ZNF608: variants seen among roughly 807,000 people sequenced by gnomAD.
The protein encoded by ZNF608 is zinc finger protein 608.
Under a neutral mutation model 109.0 loss-of-function variants are expected in ZNF608, and 12 were observed. That is an observed-to-expected ratio of 0.11 (90% CI 0.07 to 0.18). ZNF608 has a LOEUF of 0.18. Ranked by LOEUF, ZNF608 falls within the 10% of genes least tolerant of loss-of-function variation. The probability of loss-of-function intolerance (pLI) is 1.00; values close to 1 mark genes in which losing one functional copy is unlikely to be tolerated. For missense variants in ZNF608, 1,707 were observed against 1,879.3 expected, an observed-to-expected ratio of 0.91 and a Z score of 1.70; for synonymous variants, 732 against 717.4, an observed-to-expected ratio of 1.02 and a Z score of -0.33.
chr5:124,677,906 G>A (rs555064083), intron 3 of ZNF608, among the ~76,000 whole-genome samples: 1 of 152,238 alleles, frequency 6.6e-6, no homozygotes, highest in African/African-American at 2.4e-5. Context: ...ACACCAGGAA[G>A]CAGCTCTCAG....
intron 2 of ZNF608, among the ~76,000 whole-genome samples, chr5:124,727,322 C>G (rs1281397488): frequency 6.6e-6 from 1 of 152,192 alleles, no homozygotes; most frequent in Non-Finnish European, 1.5e-5. Context: ...CTGAGTTTAT[C>G]ACATCCATTA....
chr5:124,656,074 T>C (rs1260067043), intron 3 of ZNF608, among the ~76,000 whole-genome samples: 1 of 152,182 alleles, frequency 6.6e-6, no homozygotes, highest in Non-Finnish European at 1.5e-5. Context: ...GGCTGAATGT[T>C]TGAAGAGTCA....
At chr5:124,719,315 T>C (rs76673488) in intron 2 of ZNF608, among the ~76,000 whole-genome samples, 26,382 of 152,232 alleles carry the variant, frequency 0.17, 2,618 homozygotes, top group Admixed American at 0.27. Flanking sequence ...TTTTTGTAAA[T>C]GATCAGACTA....
At chr5:124,745,888 A>G (rs1204544761) in intron 1 of ZNF608, 1 of 152,946 alleles carries the variant, frequency 6.5e-6, no homozygotes, top group African/African-American at 2.4e-5. Context: ...AGACAGTGTT[A>G]TATAAAAAGT....
rs569802734 is a variant in ZNF608, at chr5:124,745,181, G to A, written c.-183-9C>T. ...TCCAGGTCCACCTTTTCCTGTGAAG[G>A]GGGGGGGAAAAGTCGAATATTTCTT... On this transcript the variant is annotated splice_polypyrimidine_tract_variant and intron_variant, in intron 1 of 9. Coordinates refer to ENST00000513986, the MANE Select transcript of ZNF608 (RefSeq NM_020747.3). 1.2e-4 allele frequency: 154 copies of A among 1,329,158 alleles called. No individual in the cohort carries two copies. The highest frequency in any genetic ancestry group is 5.9e-4 in the South Asian group (32 of 53,938). The allele number at this position is 1,329,158 out of a possible 1,614,324, so 82.3% of individuals were successfully genotyped here.
Position 124,746,572 on chromosome 5 carries a change from C to G in ZNF608, c.-561G>C, listed in dbSNP as rs924269107. The stretch of plus-strand genomic sequence containing the variant: ...CCAACTTCTCATTCCGCCTTCAGTT[C>G]CAGACTTCAGAGTCACCGTGATCAG... On this transcript the variant is annotated 5_prime_UTR_variant, in exon 1 of 10. Transcript: ENST00000513986. 1 of 985,188 alleles carries G rather than the reference C, an allele frequency of 1.0e-6. No individual in the cohort carries two copies. Among genetic ancestry groups the G allele is most frequent in the African/African-American group, 1.7e-5 (1 of 57,180 alleles). The allele number at this position is 985,188 out of a possible 1,614,324, so 61.0% of individuals were successfully genotyped here.
chr5:124,723,498 G>C (rs1754017917), intron 2 of ZNF608, among the ~76,000 whole-genome samples: 1 of 152,142 alleles, frequency 6.6e-6, no homozygotes, highest in African/African-American at 2.4e-5. Context: ...GACCAGCCCA[G>C]CCAACATGGT....
At chr5:124,726,264 A>G (rs1421546573) in intron 2 of ZNF608, among the ~76,000 whole-genome samples, 4 of 152,064 alleles carry the variant, frequency 2.6e-5, no homozygotes, top group Non-Finnish European at 5.9e-5. Flanking sequence ...TTCCATTGGA[A>G]CTAACTCTAG....
Position 124,647,528 on chromosome 5 carries a change from G to T in ZNF608, c.2856C>A (p.Asp952Glu), listed in dbSNP as rs142044030. 1.0e-4 allele frequency: 164 copies of T among 1,614,058 alleles called. No homozygotes were observed. In the African/African-American group the frequency reaches 1.9e-3, roughly 19 times the overall value. ...ISDAADDGGS[D>E]SRSEGMRSKA... ...TTGATCTCATACCCTCCGACCTGCT[G>T]TCAGAACCACCATCGTCAGCAGCAT... is the stretch of plus-strand genomic sequence containing the variant. The change falls in exon 5 of 10, where the codon GAC becomes GAA. Residue 952 changes from aspartate to glutamate, a missense_variant. Around this residue, in one of 7 missense-constraint regions of ZNF608, gnomAD observed 1,073 missense variants for 1,133.5 expected, o/e 0.95. Coordinates refer to ENST00000513986, the MANE Select transcript of ZNF608 (RefSeq NM_020747.3).
At chr5:124,704,190 T>G (rs1174285944) in intron 2 of ZNF608, among the ~76,000 whole-genome samples, 1 of 152,228 alleles carries the variant, frequency 6.6e-6, no homozygotes, top group Admixed American at 6.5e-5. Context: ...TCCGATGTGA[T>G]AATAGTCTTT....
chr5:124,667,059 A>C (rs1376666840), intron 3 of ZNF608, among the ~76,000 whole-genome samples: 1 of 152,172 alleles, frequency 6.6e-6, no homozygotes, highest in Non-Finnish European at 1.5e-5. Flanking sequence ...CAGAGACATA[A>C]ATTTTCATCT....
At chr5:124,668,103 G>T (rs1419875554) in intron 3 of ZNF608, among the ~76,000 whole-genome samples, 5 of 151,404 alleles carry the variant, frequency 3.3e-5, no homozygotes, top group African/African-American at 1.2e-4. Context: ...TGTAATACCA[G>T]AACTTTGGGA....
intron 2 of ZNF608, among the ~76,000 whole-genome samples, chr5:124,719,658 G>A (rs1753831077): frequency 6.6e-6 from 1 of 152,172 alleles, no homozygotes; most frequent in Non-Finnish European, 1.5e-5. Flanking sequence ...TTAAATCAAA[G>A]ATTCTTTATG....
chr5:124,662,222 T>C (rs1751293208), intron 3 of ZNF608, among the ~76,000 whole-genome samples: 1 of 152,266 alleles, frequency 6.6e-6, no homozygotes, highest in Non-Finnish European at 1.5e-5. Flanking sequence ...AGCAGCGATG[T>C]TAGCAGGAAG....
At chr5:124,657,559 C>T (rs1751067095) in intron 3 of ZNF608, among the ~76,000 whole-genome samples, 1 of 151,972 alleles carries the variant, frequency 6.6e-6, no homozygotes. Context: ...CCTGTAGTCC[C>T]AGCTACTCGG....
chr5:124,722,795 G>A (rs1753985873), intron 2 of ZNF608, among the ~76,000 whole-genome samples: 1 of 152,066 alleles, frequency 6.6e-6, no homozygotes, highest in South Asian at 2.1e-4. Flanking sequence ...GGAAGCCTGA[G>A]ACTGAATATT....
At position 124,648,264 on chromosome 5, in the gene ZNF608, T is replaced by A. The variant is rs1333180024; in HGVS notation, c.2120A>T (p.Asp707Val). Residue 707 changes from aspartate to valine, a missense_variant, in exon 5 of 10, where the codon GAC (aspartate) becomes GTC (valine). This residue lies in a region of ZNF608 where 1,073 missense variants were observed against 1,133.5 expected (regional missense o/e 0.95). Coordinates refer to ENST00000513986, the MANE Select transcript of ZNF608 (RefSeq NM_020747.3). ...MPKLEAEGLI[D>V]KKNLGDKEKG... is the part of the protein sequence containing the mutation. ...TTCTTTATCTCCTAAATTTTTCTTG[T>A]CAATTAATCCTTCTGCTTCCAGTTT... is the stretch of plus-strand genomic sequence containing the variant. 1 of 1,614,110 alleles carries A rather than the reference T, an allele frequency of 6.2e-7. No individual in the cohort carries two copies. The highest frequency in any genetic ancestry group is 8.5e-7 in the Non-Finnish European group (1 of 1,180,052).
At position 124,648,352 on chromosome 5, in the gene ZNF608, T is replaced by C; in HGVS notation, c.2032A>G (p.Asn678Asp). The stretch of plus-strand genomic sequence containing the variant: ...CAACTGTCTAACGCAGCCGTCATGT[T>C]GGAGATTACTGGAAGGTTGTTCAGT... ...NELNNLPVISNMTAALDSCSA... is the reference protein window; with the variant it reads ...NELNNLPVISDMTAALDSCSA... Residue 678 changes from asparagine (N) to aspartate (D), a missense_variant, in exon 5 of 10, where the codon AAC becomes GAC. Transcript: ENST00000513986. 1.9e-6 allele frequency: 3 copies of C among 1,614,140 alleles called. No individual in the cohort carries two copies. Among genetic ancestry groups the C allele is most frequent in the Non-Finnish European group, 2.5e-6 (3 of 1,179,980 alleles).
intron 5 of ZNF608, 88 bp downstream of exon 5, chr5:124,646,591 C>A: frequency 6.8e-7 from 1 of 1,465,572 alleles, no homozygotes; most frequent in Non-Finnish European, 9.1e-7. Context: ...TTTCCTGTGT[C>A]AGAAGTCTAA....
Sources: allele counts gnomAD v4.1 joint callset (sites outside exome capture counted in the v4.1 genomes callset), GRCh38; gene constraint gnomAD v4.1.1; regional missense constraint gnomAD v4.1.1; transcripts MANE v1.5; gene names NCBI Gene and HGNC (gene_info 2026-07-23, HGNC 2026-07-21).